The following PARD3 variants were observed in gnomAD, a reference collection of about 807,000 sequenced individuals.
PARD3 encodes the protein partitioning defective 3 homolog.
PARD3 carries 75 observed loss-of-function variants against 155.4 expected under a neutral mutation model. The observed-to-expected ratio is 0.48, with a 90% CI of 0.40 to 0.58. The LOEUF (loss-of-function observed/expected upper bound fraction) is 0.58. PARD3 is among the 20% of genes least tolerant of loss of function. The pLI is 0.00. For synonymous variants in PARD3, 576 were observed against 610.5 expected (o/e 0.94, Z 0.83); for missense variants, 1,642 against 1,721.7 (o/e 0.95, Z 0.82).
chr10:34,345,141 A>C, intron 15 of PARD3: 6 of 985,380 alleles, frequency 6.1e-6, no homozygotes, highest in Non-Finnish European at 7.2e-6. Flanking sequence ...GAAAAAGGAA[A>C]TAGCCAAAAA....
chr10:34,777,374 A>C (rs986179278), intron 1 of PARD3, among the ~76,000 whole-genome samples: 3 of 152,074 alleles, frequency 2.0e-5, no homozygotes, highest in African/African-American at 7.2e-5. Context: ...AGAGGAGTTG[A>C]GAAGGCCTTC....
At chr10:34,702,722 A>C (rs1451281971) in intron 1 of PARD3, among the ~76,000 whole-genome samples, 2 of 152,178 alleles carry the variant, frequency 1.3e-5, no homozygotes, top group African/African-American at 4.8e-5. Context: ...CTATCCATCT[A>C]AAGAGAAAAG....
rs1354440327 is a variant in PARD3, at chr10:34,129,700, C to T, written c.3540+1763G>A. Among the ~76,000 whole-genome samples the T allele has an allele frequency of 4.5e-3, 371 of 82,934 alleles. 10 individuals carry two copies. The highest frequency in any genetic ancestry group is 8.8e-3 in the African/African-American group (190 of 21,622). 54.4% of individuals were successfully genotyped at this position (82,934 alleles called of 152,430 possible). ...CCTTTTTTTTTGTAATGTCAAGCCT[C>T]TTTTTTTTTTTTTTTTTTGAGCCAG... On this transcript the variant is annotated intron_variant, in intron 23 of 24. Transcript: ENST00000374788.
At chr10:34,811,062 C>G (rs1844095107) in intron 1 of PARD3, among the ~76,000 whole-genome samples, 1 of 152,160 alleles carries the variant, frequency 6.6e-6, no homozygotes, top group African/African-American at 2.4e-5. Context: ...CCAGCACCTC[C>G]TTGCCCTCAC....
chr10:34,444,026 T>G (rs2132692403), intron 5 of PARD3, among the ~76,000 whole-genome samples: 1 of 152,278 alleles, frequency 6.6e-6, no homozygotes, highest in South Asian at 2.1e-4. Flanking sequence ...TTTGCCTGTT[T>G]GTATAATCTC....
At chr10:34,163,553 A>G (rs1379330792) in intron 22 of PARD3, among the ~76,000 whole-genome samples, 2 of 152,242 alleles carry the variant, frequency 1.3e-5, no homozygotes, top group African/African-American at 2.4e-5. Context: ...AATCCTTTAC[A>G]GCGGAACTGG....
chr10:34,557,628 G>A (rs1288579336), intron 2 of PARD3, among the ~76,000 whole-genome samples: 5 of 151,928 alleles, frequency 3.3e-5, no homozygotes, highest in Admixed American at 1.3e-4. Context: ...ACAGGCGTCC[G>A]CCACCATGCC....
chr10:34,631,837 A>AC (rs2092284437), intron 2 of PARD3, among the ~76,000 whole-genome samples: 3 of 152,164 alleles, frequency 2.0e-5, no homozygotes, highest in Non-Finnish European at 4.4e-5. Flanking sequence ...GCCTCAAGTG[A>AC]TCCACCTGCC....
intron 20 of PARD3, among the ~76,000 whole-genome samples, chr10:34,303,392 G>C (rs974001130): frequency 1.3e-5 from 2 of 149,666 alleles, no homozygotes; most frequent in Admixed American, 6.6e-5. Flanking sequence ...GATATCCTGA[G>C]ATAAATTAAA....
intron 2 of PARD3, among the ~76,000 whole-genome samples, chr10:34,611,932 C>CT (rs1394412914): frequency 7.3e-6 from 1 of 136,540 alleles, no homozygotes. Flanking sequence ...GCCTCAGCGC[C>CT]CCCCCTACCC....
rs1950364625 is a variant in PARD3 at position 34,183,717 on chromosome 10, A to G, written c.3420-52134T>C. Among the ~76,000 whole-genome samples the G allele has an allele frequency of 2.0e-5, 3 of 152,128 alleles. No homozygotes were observed. In the South Asian group the frequency reaches 6.2e-4, roughly 32 times the overall value. On this transcript the variant is annotated intron_variant, in intron 22 of 24. Transcript: ENST00000374788. ...ACCGTCTCCTCCAGCATCCCAATAT[A>G]AGCAACCACTTTTCTGCCGCACACT...
At chr10:34,585,348 C>T (rs1363210296) in intron 2 of PARD3, among the ~76,000 whole-genome samples, 2 of 152,094 alleles carry the variant, frequency 1.3e-5, no homozygotes, top group Non-Finnish European at 2.9e-5. Context: ...ACTTAAAATG[C>T]TTTAGTCCTG....
intron 1 of PARD3, among the ~76,000 whole-genome samples, chr10:34,787,421 A>G (rs946856378): frequency 3.3e-5 from 5 of 152,196 alleles, no homozygotes; most frequent in Non-Finnish European, 5.9e-5. Context: ...GTCTTAAGGA[A>G]AGACAAGGTA....
intron 2 of PARD3, among the ~76,000 whole-genome samples, chr10:34,658,867 A>G (rs1235059232): frequency 1.3e-5 from 2 of 152,242 alleles, no homozygotes. Flanking sequence ...TCACCTATAA[A>G]ATGGACAAAA....
intron 1 of PARD3, among the ~76,000 whole-genome samples, chr10:34,715,075 CCT>C (rs1491490824): frequency 7.4e-6 from 1 of 135,522 alleles, no homozygotes; most frequent in Non-Finnish European, 1.6e-5. Context: ...CCTAGCCTAA[CCT>C]TTTTTTTTTT....
intron 5 of PARD3, among the ~76,000 whole-genome samples, chr10:34,413,484 T>C (rs1845335556): frequency 6.6e-6 from 1 of 151,720 alleles, no homozygotes. Context: ...AGAAACCTTT[T>C]GACTACCAGA....
intron 14 of PARD3, among the ~76,000 whole-genome samples, chr10:34,350,287 T>A (rs955297943): frequency 4.6e-5 from 7 of 152,282 alleles, no homozygotes; most frequent in African/African-American, 1.7e-4. Flanking sequence ...GGAGAATGGC[T>A]GGCCTCTGCT....
At chr10:34,353,256 G>A (rs922324599) in intron 14 of PARD3, among the ~76,000 whole-genome samples, 1 of 152,238 alleles carries the variant, frequency 6.6e-6, no homozygotes, top group African/African-American at 2.4e-5. Flanking sequence ...GATGACGATA[G>A]CAGTTTTGTC....
rs189468614 is a variant in PARD3, at chr10:34,137,725, G to A, written c.3420-6142C>T. On this transcript the variant is annotated intron_variant, in intron 22 of 24. Coordinates refer to ENST00000374788, the MANE Select transcript of PARD3 (RefSeq NM_001184785.2). ...TAACAAGAACATGCCCACAGTCTAA[G>A]AGACACATGGAGTGAATATGAATCC... Among the ~76,000 whole-genome samples, 71 of 152,264 alleles carry A rather than the reference G, an allele frequency of 4.7e-4. 1 individual carries two copies. In the East Asian group the frequency reaches 0.014, roughly 29 times the overall value.
Sources: gnomAD v4.1 joint callset for allele counts (sites outside exome capture counted in the v4.1 genomes callset) on GRCh38, gnomAD v4.1.1 for gene constraint, MANE v1.5 for transcripts, NCBI Gene and HGNC (gene_info 2026-07-23, HGNC 2026-07-21) for gene names.